The following KCNH1 variants were observed in gnomAD, a reference collection of about 807,000 sequenced individuals.
The protein encoded by KCNH1 is voltage-gated delayed rectifier potassium channel KCNH1.
In KCNH1, 27 loss-of-function variants were observed where a neutral mutation model predicts 69.2. The observed-to-expected ratio is 0.39, with a 90% CI of 0.29 to 0.54. The LOEUF (loss-of-function observed/expected upper bound fraction) is 0.54, where lower values mean the gene tolerates loss of function less well. KCNH1 is among the 20% of genes least tolerant of loss of function. The probability of loss-of-function intolerance (pLI) is 0.68; values close to 1 mark genes in which losing one functional copy is unlikely to be tolerated. For synonymous variants in KCNH1, 456 were observed against 487.7 expected (o/e 0.93, Z 0.86); for missense variants, 798 against 1,261.6 (o/e 0.63, Z 5.57).
intron 6 of KCNH1, among the ~76,000 whole-genome samples, chr1:210,959,437 A>G (rs577058970): frequency 2.6e-5 from 4 of 152,330 alleles, no homozygotes; most frequent in Non-Finnish European, 4.4e-5. Context: ...TGGGAGAACC[A>G]CTGCTCTCTT....
chr1:210,888,177 A>G (rs530206802), intron 7 of KCNH1, among the ~76,000 whole-genome samples: 4 of 152,314 alleles, frequency 2.6e-5, no homozygotes, highest in South Asian at 2.1e-4. Flanking sequence ...ACCTCAGCAA[A>G]TGCAAAAGAA....
At chr1:210,918,263 A>C (rs1687388491) in intron 7 of KCNH1, among the ~76,000 whole-genome samples, 1 of 152,254 alleles carries the variant, frequency 6.6e-6, no homozygotes, top group Non-Finnish European at 1.5e-5. Context: ...CCTGGTCAGT[A>C]TAACAATTTG....
At chr1:210,686,683 G>C (rs1250014443) in intron 10 of KCNH1, among the ~76,000 whole-genome samples, 1 of 152,176 alleles carries the variant, frequency 6.6e-6, no homozygotes, top group Non-Finnish European at 1.5e-5. Flanking sequence ...CTTTATATCT[G>C]CAGGATATCT....
At chr1:210,720,094 T>C (rs898056558) in intron 10 of KCNH1, among the ~76,000 whole-genome samples, 1 of 152,174 alleles carries the variant, frequency 6.6e-6, no homozygotes, top group African/African-American at 2.4e-5. Context: ...GGACATTCTA[T>C]GGCCAAACAG....
chr1:211,074,534 T>C (rs1164549837), intron 5 of KCNH1, among the ~76,000 whole-genome samples: 2 of 152,172 alleles, frequency 1.3e-5, no homozygotes, highest in East Asian at 1.9e-4. Flanking sequence ...TATTGACTTA[T>C]TTGGAGATTA....
chr1:211,025,758 C>T (rs955191239), intron 5 of KCNH1, among the ~76,000 whole-genome samples: 2 of 152,134 alleles, frequency 1.3e-5, no homozygotes, highest in African/African-American at 4.8e-5. Flanking sequence ...GGCATAAAAC[C>T]TCTCCTGACC....
chr1:211,001,537 G>C (rs1416355284), intron 6 of KCNH1, among the ~76,000 whole-genome samples: 1 of 152,162 alleles, frequency 6.6e-6, no homozygotes, highest in East Asian at 1.9e-4. Flanking sequence ...AGGATGTGGA[G>C]ATATAGGAAC....
chr1:210,705,939 G>C (rs1293781875), intron 10 of KCNH1, among the ~76,000 whole-genome samples: 2 of 152,198 alleles, frequency 1.3e-5, no homozygotes, highest in Non-Finnish European at 2.9e-5. Context: ...TGAATGCTAA[G>C]AGCCAGGTGA....
chr1:210,805,645 A>C (rs1684535355), intron 7 of KCNH1, among the ~76,000 whole-genome samples: 1 of 152,208 alleles, frequency 6.6e-6, no homozygotes, highest in South Asian at 2.1e-4. Flanking sequence ...TACAAAATTC[A>C]ATGGTCTTCA....
chr1:211,022,455 A>C (rs1689602993), intron 5 of KCNH1, among the ~76,000 whole-genome samples: 1 of 152,228 alleles, frequency 6.6e-6, no homozygotes, highest in African/African-American at 2.4e-5. Context: ...ACAGGCAACC[A>C]AGGCAAAAAT....
intron 5 of KCNH1, among the ~76,000 whole-genome samples, chr1:211,046,050 G>A (rs1310164872): frequency 6.6e-6 from 1 of 152,074 alleles, no homozygotes; most frequent in African/African-American, 2.4e-5. Flanking sequence ...ATTCCATAGT[G>A]TTATACACCC....
intron 7 of KCNH1, among the ~76,000 whole-genome samples, chr1:210,872,948 ATACTT>A (rs540052559): frequency 4.3e-4 from 65 of 152,242 alleles, no homozygotes; most frequent in African/African-American, 1.5e-3. Context: ...TTTATCCTCA[ATACTT>A]TAATTTTCTG....
At chr1:210,829,650 C>T (rs1685116524) in intron 7 of KCNH1, among the ~76,000 whole-genome samples, 1 of 152,172 alleles carries the variant, frequency 6.6e-6, no homozygotes, top group Non-Finnish European at 1.5e-5. Context: ...TGGCGGCTAC[C>T]TGTACAGGAA....
intron 10 of KCNH1, among the ~76,000 whole-genome samples, chr1:210,748,379 G>A (rs746932446): frequency 7.9e-5 from 12 of 152,232 alleles, no homozygotes; most frequent in African/African-American, 1.2e-4. Context: ...CTTAGTTAAC[G>A]AAGCATTTAC....
intron 8 of KCNH1, 22 bp downstream of exon 8, chr1:210,803,945 C>T (rs2102406635): frequency 6.2e-7 from 1 of 1,607,478 alleles, no homozygotes; most frequent in Non-Finnish European, 8.5e-7. Context: ...AATGGTTTCC[C>T]TGAGCTCCTC....
chr1:210,988,246 C>T (rs914645421), intron 6 of KCNH1, among the ~76,000 whole-genome samples: 3 of 152,130 alleles, frequency 2.0e-5, no homozygotes, highest in East Asian at 1.9e-4. Context: ...GAGGCAATGC[C>T]TCGCCCTGCT....
At chr1:210,995,564 T>A (rs539501006) in intron 6 of KCNH1, among the ~76,000 whole-genome samples, 37 of 152,272 alleles carry the variant, frequency 2.4e-4, no homozygotes, top group African/African-American at 8.9e-4. Context: ...GCTGCAGAAT[T>A]CAGATAGCTA....
At chr1:210,915,010 C>A (rs1201302379) in intron 7 of KCNH1, among the ~76,000 whole-genome samples, 1 of 152,106 alleles carries the variant, frequency 6.6e-6, no homozygotes, top group African/African-American at 2.4e-5. Flanking sequence ...CAGAAAAGTG[C>A]AAAGCCCATA....
At chr1:211,125,290 G>A (rs1691756980) in intron 1 of KCNH1, among the ~76,000 whole-genome samples, 1 of 152,182 alleles carries the variant, frequency 6.6e-6, no homozygotes, top group Admixed American at 6.5e-5. Context: ...ACAAGAGACA[G>A]GCTGGTAAGG....
Sources: gnomAD v4.1 joint callset for allele counts (sites outside exome capture counted in the v4.1 genomes callset) on GRCh38, gnomAD v4.1.1 for gene constraint, MANE v1.5 for transcripts, NCBI Gene and HGNC (gene_info 2026-07-23, HGNC 2026-07-21) for gene names.